SGCZ: variants seen among roughly 807,000 people sequenced by gnomAD.
The protein encoded by SGCZ is zeta-sarcoglycan.
A neutral mutation model predicts 41.3 loss-of-function variants in SGCZ; 40 were observed. That is an observed-to-expected ratio of 0.97 (90% CI 0.75 to 1.26). SGCZ has a LOEUF of 1.26. Ranked by LOEUF, SGCZ falls within the 50% of genes most tolerant of loss-of-function variation. The pLI is 0.00. For missense variants in SGCZ, 552 were observed against 369.8 expected (o/e 1.49, Z -4.04); for synonymous variants, 206 against 137.5 (o/e 1.50, Z -3.49).
chr8:14,940,890 A>G (rs139949949), intron 1 of SGCZ, among the ~76,000 whole-genome samples: 286 of 152,232 alleles, frequency 1.9e-3, no homozygotes, highest in Non-Finnish European at 3.3e-3. Flanking sequence ...GTTAACATAT[A>G]AAGGGCTCCT....
At chr8:14,303,307 C>T (rs1201620315) in intron 3 of SGCZ, among the ~76,000 whole-genome samples, 2 of 152,044 alleles carry the variant, frequency 1.3e-5, no homozygotes, top group Non-Finnish European at 2.9e-5. Flanking sequence ...GAATTACATG[C>T]ATTTACGAAA....
chr8:14,920,003 C>T (rs1211161387), intron 1 of SGCZ, among the ~76,000 whole-genome samples: 2 of 152,106 alleles, frequency 1.3e-5, no homozygotes, highest in East Asian at 3.8e-4. Context: ...TGCAGGCTCA[C>T]CATACTCCTT....
chr8:14,900,194 T>G (rs1798922280), intron 1 of SGCZ, among the ~76,000 whole-genome samples: 1 of 152,170 alleles, frequency 6.6e-6, no homozygotes, highest in Non-Finnish European at 1.5e-5. Context: ...CAGGCTGGAA[T>G]AGTTTTTAAA....
intron 2 of SGCZ, among the ~76,000 whole-genome samples, chr8:14,488,566 C>T (rs144516377): frequency 6.4e-4 from 96 of 149,840 alleles, no homozygotes; most frequent in African/African-American, 2.3e-3. Flanking sequence ...TCAAGGATCT[C>T]GGAGCTAACC....
At chr8:14,162,033 T>G (rs1485472467) in intron 5 of SGCZ, among the ~76,000 whole-genome samples, 2 of 152,100 alleles carry the variant, frequency 1.3e-5, no homozygotes, top group Admixed American at 1.3e-4. Flanking sequence ...AACTTAGATT[T>G]TTCAGGAAGC....
intron 1 of SGCZ, among the ~76,000 whole-genome samples, chr8:14,945,095 G>C (rs1800397791): frequency 7.4e-6 from 1 of 134,694 alleles, no homozygotes; most frequent in Admixed American, 9.2e-5. Flanking sequence ...CATGCACAAG[G>C]AAACCCCATG....
intron 2 of SGCZ, among the ~76,000 whole-genome samples, chr8:14,539,340 A>T (rs1236880267): frequency 1.3e-5 from 2 of 151,816 alleles, no homozygotes; most frequent in Non-Finnish European, 2.9e-5. Flanking sequence ...TGTCTGGAGA[A>T]CCCTGATTAA....
intron 1 of SGCZ, among the ~76,000 whole-genome samples, chr8:14,644,963 G>C (rs190907807): frequency 0.017 from 1,914 of 113,544 alleles, 22 homozygotes; most frequent in Non-Finnish European, 0.027. Flanking sequence ...AAAAAAAAAA[G>C]TCTCCAACGT....
chr8:14,110,296 T>C (rs557039963), intron 5 of SGCZ, among the ~76,000 whole-genome samples: 4 of 152,272 alleles, frequency 2.6e-5, no homozygotes, highest in South Asian at 2.1e-4. Flanking sequence ...TGCACATGGA[T>C]AACTATTTCA....
chr8:14,166,191 G>T (rs1474114080), intron 4 of SGCZ, among the ~76,000 whole-genome samples: 2 of 151,952 alleles, frequency 1.3e-5, no homozygotes, highest in African/African-American at 4.8e-5. Flanking sequence ...TAAAATAACA[G>T]ATTTTTAAAA....
At chr8:14,507,767 TGTTTTTG>T (rs1210870717) in intron 2 of SGCZ, among the ~76,000 whole-genome samples, 1 of 66,470 alleles carries the variant, frequency 1.5e-5, no homozygotes, top group East Asian at 5.0e-4. Context: ...TTTGTTTTTT[TGTTTTTG>T]TTTTTTTTTT....
chr8:14,204,078 G>C (rs893815225), intron 4 of SGCZ, among the ~76,000 whole-genome samples: 18 of 152,056 alleles, frequency 1.2e-4, no homozygotes, highest in African/African-American at 4.3e-4. Context: ...CATACTGATG[G>C]AGGATAAATA....
chr8:14,829,272 T>C (rs550961603), intron 1 of SGCZ, among the ~76,000 whole-genome samples: 3 of 152,312 alleles, frequency 2.0e-5, no homozygotes, highest in African/African-American at 7.2e-5. Flanking sequence ...TAGCTACCAC[T>C]AGTAAGTTAA....
chr8:14,392,696 A>T (rs7844447), intron 2 of SGCZ, among the ~76,000 whole-genome samples: 25,583 of 152,098 alleles, frequency 0.17, 5,050 homozygotes, highest in African/African-American at 0.48. Context: ...ATAAAAACAG[A>T]ACAATTATTT....
chr8:14,381,795 A>C (rs1316351819), intron 2 of SGCZ, among the ~76,000 whole-genome samples: 2 of 151,982 alleles, frequency 1.3e-5, no homozygotes, highest in Admixed American at 6.6e-5. Context: ...CAAAAAAAAA[A>C]CAAAAAACAA....
intron 1 of SGCZ, among the ~76,000 whole-genome samples, chr8:15,190,921 T>G (rs509852): frequency 0.14 from 21,294 of 152,058 alleles, 1,695 homozygotes; most frequent in African/African-American, 0.19. Flanking sequence ...TTTAAGTGAC[T>G]TAGAAATAAT....
intron 1 of SGCZ, among the ~76,000 whole-genome samples, chr8:14,971,113 G>A (rs910507456): frequency 4.0e-5 from 6 of 151,816 alleles, no homozygotes; most frequent in African/African-American, 1.5e-4. Flanking sequence ...TCTGTATATC[G>A]ATTTTTATCT....
Position 15,210,246 on chromosome 8 carries a change from G to A in SGCZ, c.39+27339C>T, listed in dbSNP as rs151301271. 1.1e-4 allele frequency among the ~76,000 whole-genome samples: 16 copies of A among 152,212 alleles called. No individual in the cohort carries two copies. In the South Asian group the frequency reaches 2.7e-3, roughly 26 times the overall value. The stretch of plus-strand genomic sequence containing the variant: ...TCTGGGTGTTTATGTGGGGTGATAC[G>A]CATTTGCTATAGCCACTTTTAGATG... On this transcript the variant is annotated intron_variant, in intron 1 of 7. Transcript: ENST00000382080.
At chr8:14,288,164 G>C (rs1019868778) in intron 3 of SGCZ, among the ~76,000 whole-genome samples, 1 of 152,004 alleles carries the variant, frequency 6.6e-6, no homozygotes, top group African/African-American at 2.4e-5. Flanking sequence ...TTACTTCTCA[G>C]TATGTGAGTG....
Sources: gnomAD v4.1 joint callset for allele counts (sites outside exome capture counted in the v4.1 genomes callset) on GRCh38, gnomAD v4.1.1 for gene constraint, MANE v1.5 for transcripts, NCBI Gene and HGNC (gene_info 2026-07-23, HGNC 2026-07-21) for gene names.